Variants in PTPRM observed in about 807,000 individuals in gnomAD.
PTPRM encodes the protein receptor-type tyrosine-protein phosphatase mu.
Under a neutral mutation model 186.7 loss-of-function variants are expected in PTPRM, and 47 were observed. The ratio of observed to expected loss-of-function variants is 0.25; its 90% CI spans 0.20 to 0.32. The LOEUF (loss-of-function observed/expected upper bound fraction) is 0.32, where lower values mean the gene tolerates loss of function less well. Ranked by LOEUF, PTPRM falls within the 10% of genes least tolerant of loss-of-function variation. The probability of loss-of-function intolerance (pLI) is 1.00; values close to 1 mark genes in which losing one functional copy is unlikely to be tolerated. For missense variants in PTPRM, 1,494 were observed against 1,865.0 expected (o/e 0.80, Z 3.66); for synonymous variants, 668 against 674.9 (o/e 0.99, Z 0.16).
intron 14 of PTPRM, among the ~76,000 whole-genome samples, chr18:8,182,839 C>T (rs2093594480): frequency 6.6e-6 from 1 of 152,224 alleles, no homozygotes; most frequent in Admixed American, 6.5e-5. Flanking sequence ...TCCCTGCCCC[C>T]AAGTGCTGTG....
At chr18:7,793,563 G>A (rs1475537212) in intron 2 of PTPRM, among the ~76,000 whole-genome samples, 5 of 152,118 alleles carry the variant, frequency 3.3e-5, no homozygotes, top group Non-Finnish European at 7.3e-5. Context: ...CATGCACAGT[G>A]TACTTGAAAT....
At chr18:8,196,268 C>T (rs1375334500) in intron 14 of PTPRM, among the ~76,000 whole-genome samples, 3 of 152,116 alleles carry the variant, frequency 2.0e-5, no homozygotes, top group African/African-American at 7.2e-5. Flanking sequence ...CTTAGGCTGC[C>T]TTAGATCAGG....
chr18:7,609,363 C>T (rs999695401), intron 1 of PTPRM, among the ~76,000 whole-genome samples: 3 of 152,110 alleles, frequency 2.0e-5, no homozygotes, highest in Admixed American at 2.0e-4. Flanking sequence ...ATAGGTAGTC[C>T]TGTGGCGAAG....
At chr18:8,008,024 T>C (rs951133925) in intron 7 of PTPRM, among the ~76,000 whole-genome samples, 2 of 152,204 alleles carry the variant, frequency 1.3e-5, no homozygotes, top group Non-Finnish European at 2.9e-5. Flanking sequence ...GCCTATTTTT[T>C]AGGGTACATT....
chr18:8,035,899 G>A (rs1393644361), intron 7 of PTPRM, among the ~76,000 whole-genome samples: 1 of 152,130 alleles, frequency 6.6e-6, no homozygotes, highest in African/African-American at 2.4e-5. Flanking sequence ...AGGTGAATAA[G>A]GAAATAAGCT....
intron 14 of PTPRM, among the ~76,000 whole-genome samples, chr18:8,167,039 G>A (rs1252130672): frequency 6.6e-6 from 1 of 152,194 alleles, no homozygotes; most frequent in African/African-American, 2.4e-5. Flanking sequence ...CAGGCTCTAA[G>A]CTACTCTTGG....
intron 23 of PTPRM, among the ~76,000 whole-genome samples, chr18:8,357,837 G>A (rs2095571750): frequency 6.6e-6 from 1 of 151,852 alleles, no homozygotes; most frequent in Non-Finnish European, 1.5e-5. Context: ...ACACTTAATT[G>A]ACTACAAACT....
At chr18:8,144,164 G>T (rs1016586380) in intron 14 of PTPRM, among the ~76,000 whole-genome samples, 33 of 152,128 alleles carry the variant, frequency 2.2e-4, no homozygotes, top group Non-Finnish European at 7.3e-5. Flanking sequence ...TTATAGTGAG[G>T]ATGATGATGA....
At chr18:7,986,515 C>T (rs959808997) in intron 7 of PTPRM, among the ~76,000 whole-genome samples, 4 of 152,148 alleles carry the variant, frequency 2.6e-5, no homozygotes, top group African/African-American at 9.7e-5. Flanking sequence ...AGCCTGTGCC[C>T]TGACATGGAG....
chr18:8,334,226 C>T, intron 22 of PTPRM, among the ~76,000 whole-genome samples: 1 of 152,338 alleles, frequency 6.6e-6, no homozygotes, highest in Non-Finnish European at 1.5e-5. Context: ...GCCTAGAAGC[C>T]TTGGTTCTCT....
chr18:8,207,098 A>G (rs1256299709), intron 14 of PTPRM, among the ~76,000 whole-genome samples: 1 of 152,168 alleles, frequency 6.6e-6, no homozygotes, highest in Non-Finnish European at 1.5e-5. Context: ...TCTGGTTCTG[A>G]TCCGCCCAAT....
intron 4 of PTPRM, among the ~76,000 whole-genome samples, chr18:7,922,172 G>C (rs2050904193): frequency 6.6e-6 from 1 of 152,152 alleles, no homozygotes; most frequent in Admixed American, 6.6e-5. Context: ...CCCTGAATTT[G>C]AGAGGTCCCA....
chr18:8,347,292 T>C (rs904857403), intron 23 of PTPRM, among the ~76,000 whole-genome samples: 2 of 152,224 alleles, frequency 1.3e-5, no homozygotes, highest in African/African-American at 4.8e-5. Context: ...AAGGCACATG[T>C]ATTTTTTGCT....
chr18:7,850,001 A>G (rs1014639322), intron 2 of PTPRM, among the ~76,000 whole-genome samples: 3 of 152,220 alleles, frequency 2.0e-5, no homozygotes, highest in Non-Finnish European at 4.4e-5. Context: ...AAAGACACCT[A>G]TGACATTGGT....
intron 4 of PTPRM, among the ~76,000 whole-genome samples, chr18:7,924,218 CAGT>C (rs2051038043): frequency 6.6e-6 from 1 of 152,144 alleles, no homozygotes. Context: ...GTGGCCCACA[CAGT>C]GGTGGTGATT....
At chr18:7,985,760 C>T (rs1203114023) in intron 7 of PTPRM, among the ~76,000 whole-genome samples, 1 of 151,726 alleles carries the variant, frequency 6.6e-6, no homozygotes, top group Non-Finnish European at 1.5e-5. Context: ...TCCCCTCAAG[C>T]ATTTATCCAT....
intron 7 of PTPRM, among the ~76,000 whole-genome samples, chr18:8,055,903 A>G (rs555688993): frequency 6.6e-6 from 1 of 152,248 alleles, no homozygotes; most frequent in Non-Finnish European, 1.5e-5. Context: ...TAATCTTTGG[A>G]TGCCGGTGCT....
chr18:7,737,991 G>A (rs528479527), intron 1 of PTPRM, among the ~76,000 whole-genome samples: 3 of 152,218 alleles, frequency 2.0e-5, no homozygotes, highest in South Asian at 2.1e-4. Flanking sequence ...TTTAATGCAC[G>A]CTTCTCAAAG....
At chr18:8,279,463 A>G (rs993227884) in intron 19 of PTPRM, among the ~76,000 whole-genome samples, 7 of 152,252 alleles carry the variant, frequency 4.6e-5, no homozygotes, top group Middle Eastern at 3.4e-3. Flanking sequence ...AGTAAGCCCT[A>G]CTGAAGAGTG....
Sources: allele counts gnomAD v4.1 joint callset (sites outside exome capture counted in the v4.1 genomes callset), GRCh38; gene constraint gnomAD v4.1.1; transcripts MANE v1.5; gene names NCBI Gene and HGNC (gene_info 2026-07-23, HGNC 2026-07-21).